Variants in ATRNL1 observed in about 807,000 individuals in gnomAD.
ATRNL1 encodes attractin-like protein 1.
Under a neutral mutation model 182.7 loss-of-function variants are expected in ATRNL1, and 95 were observed. That is an observed-to-expected ratio of 0.52 (90% CI 0.44 to 0.62). The LOEUF (loss-of-function observed/expected upper bound fraction) is 0.62, where lower values mean the gene tolerates loss of function less well. ATRNL1 is among the 20% of genes least tolerant of loss of function. The probability of loss-of-function intolerance (pLI) is 0.00; values close to 1 mark genes in which losing one functional copy is unlikely to be tolerated. For missense variants in ATRNL1, 1,471 were observed against 1,679.5 expected (o/e 0.88, Z 2.17); for synonymous variants, 576 against 568.3 (o/e 1.01, Z -0.19).
chr10:115,426,882 G>C (rs962512121), intron 21 of ATRNL1, among the ~76,000 whole-genome samples: 1 of 152,006 alleles, frequency 6.6e-6, no homozygotes, highest in African/African-American at 2.4e-5. Flanking sequence ...CCACCACCAC[G>C]CCCAGCTAAT....
chr10:115,221,766 A>T (rs1297063968), intron 9 of ATRNL1, among the ~76,000 whole-genome samples: 1 of 152,162 alleles, frequency 6.6e-6, no homozygotes, highest in Non-Finnish European at 1.5e-5. Flanking sequence ...GGCCCCTGAG[A>T]TTCTAAACCC....
chr10:115,531,895 C>T (rs1245462779), intron 25 of ATRNL1, among the ~76,000 whole-genome samples: 1 of 145,182 alleles, frequency 6.9e-6, no homozygotes, highest in Non-Finnish European at 1.6e-5. Context: ...AATCCTTTCC[C>T]CATTGCTTGT....
At chr10:115,481,220 G>A (rs777982128) in intron 24 of ATRNL1, among the ~76,000 whole-genome samples, 7 of 149,958 alleles carry the variant, frequency 4.7e-5, no homozygotes, top group Admixed American at 6.7e-5. Context: ...ATTAATTAAT[G>A]TTTTTAATAC....
chr10:115,276,758 G>A (rs1238313780), intron 13 of ATRNL1, among the ~76,000 whole-genome samples: 2 of 152,128 alleles, frequency 1.3e-5, no homozygotes, highest in Non-Finnish European at 2.9e-5. Flanking sequence ...ATTCATAAGC[G>A]TGTCTGGTTC....
intron 1 of ATRNL1, among the ~76,000 whole-genome samples, chr10:115,117,392 CT>C: frequency 1.3e-5 from 2 of 152,156 alleles, no homozygotes; most frequent in Non-Finnish European, 2.9e-5. Flanking sequence ...TCTTCCTACT[CT>C]CTTTCTCCAT....
chr10:115,826,002 A>C (rs1361663573), intron 27 of ATRNL1, among the ~76,000 whole-genome samples: 1 of 152,140 alleles, frequency 6.6e-6, no homozygotes, highest in African/African-American at 2.4e-5. Context: ...ATGGGATTTT[A>C]GCTTTTATTA....
intron 26 of ATRNL1, among the ~76,000 whole-genome samples, chr10:115,550,104 C>A (rs1852881170): frequency 6.6e-6 from 1 of 151,662 alleles, no homozygotes; most frequent in Non-Finnish European, 1.5e-5. Flanking sequence ...AATATTCTTA[C>A]AAAATAACAA....
intron 25 of ATRNL1, among the ~76,000 whole-genome samples, chr10:115,521,453 T>C (rs1479025043): frequency 6.6e-6 from 1 of 151,974 alleles, no homozygotes; most frequent in Non-Finnish European, 1.5e-5. Flanking sequence ...ATGCCTGGTC[T>C]AAAAAAAACT....
At position 115,852,878 on chromosome 10, in the gene ATRNL1, A is replaced by G. The variant is rs550861433; in HGVS notation, c.4018+4887A>G. ...CCGTGGCGCATCTGCTCATGAAACT[A>G]TGACTCGGTGTATGTAATAGGAAGA... On this transcript the variant is annotated intron_variant, in intron 28 of 28. Transcript: ENST00000355044. Among the ~76,000 whole-genome samples, 42 of 152,294 alleles carry G rather than the reference A, an allele frequency of 2.8e-4. No homozygotes were observed. In the Middle Eastern group the frequency reaches 0.01, roughly 37 times the overall value.
intron 13 of ATRNL1, among the ~76,000 whole-genome samples, chr10:115,275,116 G>A (rs1852045905): frequency 6.6e-6 from 1 of 152,114 alleles, no homozygotes; most frequent in Non-Finnish European, 1.5e-5. Flanking sequence ...CTTCTTCTTG[G>A]CTTTTCGCTC....
chr10:115,737,132 G>A (rs1479788871), intron 27 of ATRNL1, among the ~76,000 whole-genome samples: 1 of 151,834 alleles, frequency 6.6e-6, no homozygotes, highest in African/African-American at 2.4e-5. Context: ...GCATTAAAAG[G>A]TATACTTCAT....
chr10:115,439,847 C>G (rs1173950474), intron 21 of ATRNL1, among the ~76,000 whole-genome samples: 1 of 151,812 alleles, frequency 6.6e-6, no homozygotes. Flanking sequence ...GCTTTGGAAG[C>G]TGGAAAAGGC....
At chr10:115,368,390 G>T (rs1264394970) in intron 19 of ATRNL1, among the ~76,000 whole-genome samples, 1 of 152,160 alleles carries the variant, frequency 6.6e-6, no homozygotes, top group Non-Finnish European at 1.5e-5. Flanking sequence ...GCTCGCGCAC[G>T]GTGCACGCAC....
chr10:115,362,911 A>C (rs1856820879), intron 19 of ATRNL1, among the ~76,000 whole-genome samples: 1 of 151,832 alleles, frequency 6.6e-6, no homozygotes, highest in South Asian at 2.1e-4. Context: ...TTCTTAATCC[A>C]GTCTATCATT....
intron 26 of ATRNL1, among the ~76,000 whole-genome samples, chr10:115,686,581 A>G (rs2133962358): frequency 6.6e-6 from 1 of 152,160 alleles, no homozygotes; most frequent in African/African-American, 2.4e-5. Context: ...ATTACTTAGT[A>G]TGATGCTTGC....
At position 115,947,104 on chromosome 10, in the gene ATRNL1, A is replaced by G. The variant is rs532061627; in HGVS notation, c.*2325A>G. The G allele has an allele frequency of 3.3e-5, 5 of 152,732 alleles. No individual in the cohort carries two copies. The highest frequency in any genetic ancestry group is 2.1e-4 in the South Asian group (1 of 4,824). The allele number at this position is 152,732 out of a possible 1,614,324, so 9.5% of individuals were successfully genotyped here. Reference sequence around the variant, plus strand: ...TGCTAACTCTGTGGCTAATTATGCAATTAATTCTCAACGTATCAAAGCTTT... The same window carrying G: ...TGCTAACTCTGTGGCTAATTATGCAGTTAATTCTCAACGTATCAAAGCTTT... On this transcript the variant is annotated 3_prime_UTR_variant, in exon 29 of 29. Coordinates refer to ENST00000355044, the MANE Select transcript of ATRNL1 (RefSeq NM_207303.4).
chr10:115,418,868 G>A (rs2134367455), intron 20 of ATRNL1, among the ~76,000 whole-genome samples: 1 of 152,218 alleles, frequency 6.6e-6, no homozygotes, highest in East Asian at 1.9e-4. Context: ...TAAAAATGAA[G>A]GAGAGAAGGA....
intron 19 of ATRNL1, among the ~76,000 whole-genome samples, chr10:115,392,428 G>A (rs781788736): frequency 6.6e-6 from 1 of 152,000 alleles, no homozygotes; most frequent in Non-Finnish European, 1.5e-5. Context: ...TTGCAAACAC[G>A]TGTGTAAGTA....
At chr10:115,131,157 A>G (rs1845213289) in intron 5 of ATRNL1, among the ~76,000 whole-genome samples, 1 of 152,046 alleles carries the variant, frequency 6.6e-6, no homozygotes, top group African/African-American at 2.4e-5. Context: ...GGAAGCAAAT[A>G]CTGGGTATGT....
Sources: allele counts gnomAD v4.1 joint callset (sites outside exome capture counted in the v4.1 genomes callset), GRCh38; gene constraint gnomAD v4.1.1; transcripts MANE v1.5; gene names NCBI Gene and HGNC (gene_info 2026-07-23, HGNC 2026-07-21).